The following EPN1 variants were observed in gnomAD, a reference collection of about 807,000 sequenced individuals.
The protein encoded by EPN1 is epsin 1.
In EPN1, 25 loss-of-function variants were observed where a neutral mutation model predicts 56.9. That is an observed-to-expected ratio of 0.44 (90% CI 0.32 to 0.61). The LOEUF (loss-of-function observed/expected upper bound fraction) is 0.61, where lower values mean the gene tolerates loss of function less well. Ranked by LOEUF, EPN1 falls within the 20% of genes least tolerant of loss-of-function variation. The pLI is 0.05. For missense variants in EPN1, 785 were observed against 823.7 expected, an observed-to-expected ratio of 0.95 and a Z score of 0.58; for synonymous variants, 411 against 361.8, an observed-to-expected ratio of 1.14 and a Z score of -1.54.
In EPN1 at chr19:55,694,485, C is replaced by T; in HGVS notation, c.1265-241C>T. The T allele has an allele frequency of 2.3e-6, 1 of 441,204 alleles. No homozygotes were observed. Among genetic ancestry groups the T allele is most frequent in the Non-Finnish European group, 3.9e-6 (1 of 254,876 alleles). The allele number at this position is 441,204 out of a possible 1,614,324, so 27.3% of individuals were successfully genotyped here. ...CCCTCTGGTTGTCAGAGGGTGACAC[C>T]TGCTTCTGTCATCCCTCTTGTGTTT... On this transcript the variant is annotated intron_variant, in intron 9 of 10. Transcript: ENST00000270460. This position sits in a 1 kb window ranked among gnomAD's most constrained non-coding sequence, Gnocchi z 4.2.
At position 55,698,306 on chromosome 19, in the gene EPN1, G is replaced by C. The variant is rs1986989930; in HGVS notation, c.*2950G>C. The C allele has an allele frequency of 6.6e-6, 1 of 152,332 alleles. No individual in the cohort carries two copies. Among genetic ancestry groups the C allele is most frequent in the Non-Finnish European group, 1.5e-5 (1 of 68,182 alleles). The allele number at this position is 152,332 out of a possible 1,614,324, so 9.4% of individuals were successfully genotyped here. ...GCTTCTGACCCGACGTCTTCCCCCAGAGAGGGCTGAAGTGGAAAAAACCCC... is the reference window on the plus strand; with the variant it reads ...GCTTCTGACCCGACGTCTTCCCCCACAGAGGGCTGAAGTGGAAAAAACCCC... On this transcript the variant is annotated 3_prime_UTR_variant, in exon 11 of 11. Transcript: ENST00000270460.
chr19:55,677,791 G>A (rs1439709109), intron 1 of EPN1: 11 of 1,447,838 alleles, frequency 7.6e-6, no homozygotes, highest in African/African-American at 1.4e-5. Context: ...TCTTTCCCAT[G>A]TGTCCTTGTT....
intron 9 of EPN1, among the ~76,000 whole-genome samples, chr19:55,693,844 C>T (rs1333356984): frequency 6.6e-6 from 1 of 152,166 alleles, no homozygotes; most frequent in Non-Finnish European, 1.5e-5. Context: ...ATGCAGTTTT[C>T]CTTCTTTTAG....
intron 3 of EPN1, 29 bp from the exon 4 acceptor site, chr19:55,688,841 G>A (rs748783492): frequency 6.4e-7 from 1 of 1,565,872 alleles, no homozygotes; most frequent in Non-Finnish European, 8.7e-7. Context: ...CCTGGTCTGG[G>A]TCTCACGCGT....
Position 55,689,120 on chromosome 19 carries a change from TCC to T in EPN1, c.603+129_603+130del, listed in dbSNP as rs890207063. 1.5e-6 allele frequency: 2 copies of T among 1,348,496 alleles called. No homozygotes were observed. Among genetic ancestry groups the T allele is most frequent in the Non-Finnish European group, 2.0e-6 (2 of 1,004,912 alleles). 83.5% of individuals were successfully genotyped at this position (1,348,496 alleles called of 1,614,324 possible). ...GCTCCACATGCTGTCACTCGTCTCC[TCC>T]CCAGTCCTGCCTCATCCTCACCCCG... On this transcript the variant is annotated intron_variant, in intron 4 of 10. Transcript: ENST00000270460. This position sits in a 1 kb window ranked among gnomAD's most constrained non-coding sequence, Gnocchi z 5.7.
At position 55,692,066 on chromosome 19, in the gene EPN1, G is replaced by A. The variant is rs374441106; in HGVS notation, c.1066+9G>A. 41 of 1,429,374 alleles carry A rather than the reference G, an allele frequency of 2.9e-5. No individual in the cohort carries two copies. In the African/African-American group the frequency reaches 3.3e-4, roughly 12 times the overall value. The allele number at this position is 1,429,374 out of a possible 1,614,324, so 88.5% of individuals were successfully genotyped here. On this transcript the variant is annotated intron_variant, in intron 7 of 10. Coordinates refer to ENST00000270460, the MANE Select transcript of EPN1 (RefSeq NM_001130072.2). ...ATGGGGAAGTTCCGATGGTGAGTGCGTGGCCCACTTGCATGCAGCCCCTAC... is the reference window on the plus strand; with the variant it reads ...ATGGGGAAGTTCCGATGGTGAGTGCATGGCCCACTTGCATGCAGCCCCTAC...
At chr19:55,690,604 T>C (rs972410392) in intron 6 of EPN1, among the ~76,000 whole-genome samples, 10 of 152,316 alleles carry the variant, frequency 6.6e-5, no homozygotes, top group Admixed American at 6.5e-4. Flanking sequence ...TCTCCCTGGT[T>C]ACTAGTCTGT....
rs1330637768 is a variant in EPN1 at position 55,678,852 on chromosome 19, C to T, written c.225C>T (p.Tyr75=). The T allele has an allele frequency of 6.2e-7, 1 of 1,605,058 alleles. No homozygotes were observed. Among genetic ancestry groups the T allele is most frequent in the East Asian group, 2.2e-5 (1 of 44,784 alleles). ...ATGGCAAGAACTGGCGTCACGTTTA[C>T]AAGGTCAGCATCCTGCTCTCCTCCC... is the stretch of plus-strand genomic sequence containing the variant. ...NDHGKNWRHV[Y]KAMTLMEYLI... The change falls in exon 2 of 11, where the codon TAC becomes TAT. Residue 75 remains tyrosine (Y), a synonymous_variant. Coordinates refer to ENST00000270460, the MANE Select transcript of EPN1 (RefSeq NM_001130072.2).
At chr19:55,690,907 C>T (rs1044393206) in intron 6 of EPN1, among the ~76,000 whole-genome samples, 23 of 152,150 alleles carry the variant, frequency 1.5e-4, no homozygotes, top group African/African-American at 5.1e-4. Context: ...CCCAGTGACC[C>T]GAGTAAGGGC....
rs369254407 is a variant in EPN1 at position 55,699,695 on chromosome 19, C to T, written c.*4339C>T. 10 of 152,216 alleles carry T rather than the reference C, an allele frequency of 6.6e-5. No homozygotes were observed. In the East Asian group the frequency reaches 9.7e-4, roughly 15 times the overall value. The allele number at this position is 152,216 out of a possible 1,614,324, so 9.4% of individuals were successfully genotyped here. On this transcript the variant is annotated 3_prime_UTR_variant, in exon 11 of 11. Transcript: ENST00000270460. Reference sequence around the variant, plus strand: ...CTCTTCAACAAAAAGTGTGCTGACCCCCGGTGATTGCTTGTATGTGGCAGG... The same window carrying T: ...CTCTTCAACAAAAAGTGTGCTGACCTCCGGTGATTGCTTGTATGTGGCAGG...
In EPN1 at chr19:55,689,306, T is replaced by G; in HGVS notation, c.613T>G (p.Cys205Gly). Residue 205 changes from cysteine (C) to glycine (G), a missense_variant, in exon 5 of 11, where the codon TGC (cysteine) becomes GGC (glycine). Physicochemically the swap from Cys to Gly is radical, Grantham distance 159 (BLOSUM62 -3). Coordinates refer to ENST00000270460, the MANE Select transcript of EPN1 (RefSeq NM_001130072.2). This position sits in a 1 kb window ranked among gnomAD's most constrained non-coding sequence, Gnocchi z 5.7. ...ACTCTCTCTCCCCCAGCCCCCGTCC[T>G]GCGGCCCCGAGGACGACGCCCAGCT... ...SKEEADQPPSCGPEDDAQLQL... is the reference protein window; with the variant it reads ...SKEEADQPPSGGPEDDAQLQL... 1 of 1,549,174 alleles carries G rather than the reference T, an allele frequency of 6.5e-7. No homozygotes were observed. The highest frequency in any genetic ancestry group is 8.7e-7 in the Non-Finnish European group (1 of 1,145,930).
rs1422440668 is a variant in EPN1, at chr19:55,689,387, C to T, written c.678+16C>T. ...GCATGATAAGGTCAGAGCAGCCTCCCTGTCCCTGCCCCTGCCAGGGGCTCC... is the reference window on the plus strand; with the variant it reads ...GCATGATAAGGTCAGAGCAGCCTCCTTGTCCCTGCCCCTGCCAGGGGCTCC... On this transcript the variant is annotated intron_variant, in intron 5 of 10. Coordinates refer to ENST00000270460, the MANE Select transcript of EPN1 (RefSeq NM_001130072.2). The surrounding 1 kb of genome is among the most constrained non-coding windows in gnomAD (Gnocchi z 5.7). 4 of 1,548,254 alleles carry T rather than the reference C, an allele frequency of 2.6e-6. No homozygotes were observed. The African/African-American group carries it at 5.5e-5, about 21-fold the overall frequency.
intron 2 of EPN1, among the ~76,000 whole-genome samples, chr19:55,683,158 C>T (rs987626317): frequency 3.9e-5 from 6 of 152,116 alleles, no homozygotes; most frequent in African/African-American, 7.2e-5. Context: ...CAAGATCAAG[C>T]GATTCTCCTG....
At chr19:55,677,219 G>A (rs1985496585) in intron 1 of EPN1, 6 of 1,491,504 alleles carry the variant, frequency 4.0e-6, no homozygotes, top group Non-Finnish European at 5.5e-6. Flanking sequence ...CAGGAGTAAG[G>A]TGTGTGTCCC....
In EPN1 at chr19:55,695,093, C is replaced by T. The variant is rs1986833235; in HGVS notation, c.1523-55C>T. 1 of 1,610,832 alleles carries T rather than the reference C, an allele frequency of 6.2e-7. No individual in the cohort carries two copies. Among genetic ancestry groups the T allele is most frequent in the Non-Finnish European group, 8.5e-7 (1 of 1,178,052 alleles). The stretch of plus-strand genomic sequence containing the variant: ...TTTGCCTGCACATGCTGGATGGACA[C>T]AGGTGGGCTGCGCCACTGACTCCAC... On this transcript the variant is annotated intron_variant, in intron 10 of 10. Coordinates refer to ENST00000270460, the MANE Select transcript of EPN1 (RefSeq NM_001130072.2). This position sits in a 1 kb window ranked among gnomAD's most constrained non-coding sequence, Gnocchi z 4.4.
At position 55,688,855 on chromosome 19, in the gene EPN1, T is replaced by TCACC; in HGVS notation, c.479-13_479-10dup. 6.4e-7 allele frequency: 1 copy of TCACC among 1,571,438 alleles called. No homozygotes were observed. The highest frequency in any genetic ancestry group is 8.6e-7 in the Non-Finnish European group (1 of 1,158,790). On this transcript the variant is annotated splice_polypyrimidine_tract_variant and intron_variant, in intron 3 of 10. Transcript: ENST00000270460. ...CCCTGGTCTGGGTCTCACGCGTTTCTCACCCGCCCTCCAGCCTCATCAGCA... is the reference window on the plus strand; with the variant it reads ...CCCTGGTCTGGGTCTCACGCGTTTCTCACCCACCCGCCCTCCAGCCTCATCAGCA...
rs1986391873 is a variant in EPN1, at chr19:55,689,450, C to G, written c.678+79C>G. ...CCCGTCGCCCCTTCCTAAGTCACCC[C>G]CCACCATCCTGCTGGGCCCGAAGCC... On this transcript the variant is annotated intron_variant, in intron 5 of 10. Transcript: ENST00000270460. This position sits in a 1 kb window ranked among gnomAD's most constrained non-coding sequence, Gnocchi z 5.7. 2 of 1,106,578 alleles carry G rather than the reference C, an allele frequency of 1.8e-6. No individual in the cohort carries two copies. The highest frequency in any genetic ancestry group is 4.0e-5 in the Admixed American group (2 of 49,736). The allele number at this position is 1,106,578 out of a possible 1,614,324, so 68.5% of individuals were successfully genotyped here.
chr19:55,685,934 G>C (rs1365120970), intron 3 of EPN1, among the ~76,000 whole-genome samples: 4 of 152,218 alleles, frequency 2.6e-5, no homozygotes, highest in Admixed American at 2.6e-4. Context: ...AGGGCCTGAG[G>C]GTGATCAGTG....
rs375409344 is a variant in EPN1 at position 55,677,242 on chromosome 19, T to C, written c.-101-1285T>C. 4.6e-6 allele frequency: 6 copies of C among 1,291,850 alleles called. No homozygotes were observed. In the African/African-American group the frequency reaches 8.9e-5, roughly 19 times the overall value. The allele number at this position is 1,291,850 out of a possible 1,614,324, so 80.0% of individuals were successfully genotyped here. The stretch of plus-strand genomic sequence containing the variant: ...AGGTGTGTGTCCCTGGGCAAGGGGC[T>C]GAACCTCTGTGTCTCAGTTTCCACC... On this transcript the variant is annotated intron_variant, in intron 1 of 10. Transcript: ENST00000270460.
Sources: allele counts gnomAD v4.1 joint callset (sites outside exome capture counted in the v4.1 genomes callset), GRCh38; gene constraint gnomAD v4.1.1; non-coding constraint Gnocchi (gnomAD v3.1); transcripts MANE v1.5; gene names NCBI Gene and HGNC (gene_info 2026-07-23, HGNC 2026-07-21).